GRIK2: variants seen among roughly 807,000 people sequenced by gnomAD.
GRIK2 encodes glutamate ionotropic receptor kainate type subunit 2, also known as glutamate receptor ionotropic, kainate 2.
GRIK2 carries 32 observed loss-of-function variants against 100.3 expected under a neutral mutation model. The observed-to-expected ratio is 0.32, with a 90% CI of 0.24 to 0.43. The LOEUF (loss-of-function observed/expected upper bound fraction) is 0.43. GRIK2 is among the 20% of genes least tolerant of loss of function. The pLI, the probability that GRIK2 is intolerant of heterozygous loss-of-function variation, is 1.00. For synonymous variants in GRIK2, 417 were observed against 389.4 expected, an observed-to-expected ratio of 1.07 and a Z score of -0.83; for missense variants, 843 against 1,114.9, an observed-to-expected ratio of 0.76 and a Z score of 3.47.
At chr6:101,571,458 T>G (rs1286994572) in intron 2 of GRIK2, among the ~76,000 whole-genome samples, 1 of 152,164 alleles carries the variant, frequency 6.6e-6, no homozygotes, top group African/African-American at 2.4e-5. Context: ...AATTTTGCCA[T>G]GTGTTTTTAA....
intron 2 of GRIK2, among the ~76,000 whole-genome samples, chr6:101,449,914 A>G (rs1770580573): frequency 6.6e-6 from 1 of 151,734 alleles, no homozygotes; most frequent in African/African-American, 2.4e-5. Context: ...AAGCATTGGG[A>G]AAAAGCTGGA....
intron 10 of GRIK2, among the ~76,000 whole-genome samples, chr6:101,853,285 A>G (rs1169816139): frequency 6.6e-6 from 1 of 152,190 alleles, no homozygotes; most frequent in African/African-American, 2.4e-5. Context: ...GAAAATTTAA[A>G]TGTCAAATGA....
chr6:101,618,700 G>A (rs1780009868), intron 2 of GRIK2, among the ~76,000 whole-genome samples: 1 of 151,582 alleles, frequency 6.6e-6, no homozygotes, highest in Non-Finnish European at 1.5e-5. Flanking sequence ...ATTTGTTTTA[G>A]TGGAGGCTTG....
rs529145518 is a variant in GRIK2 at position 101,727,371 on chromosome 6, G to A, written c.951+41018G>A. Among the ~76,000 whole-genome samples the A allele has an allele frequency of 5.3e-5, 8 of 152,072 alleles. No individual in the cohort carries two copies. In the East Asian group the frequency reaches 7.8e-4, roughly 15 times the overall value. ...GTAATACAGAGCTAGTGAAAATAGCGCAGGATGCTTGATACTGGAGTGTAC... is the reference window on the plus strand; with the variant it reads ...GTAATACAGAGCTAGTGAAAATAGCACAGGATGCTTGATACTGGAGTGTAC... On this transcript the variant is annotated intron_variant, in intron 7 of 16. Coordinates refer to ENST00000369134, the MANE Select transcript of GRIK2 (RefSeq NM_021956.5).
intron 2 of GRIK2, among the ~76,000 whole-genome samples, chr6:101,583,578 C>T (rs1423721951): frequency 1.3e-5 from 2 of 152,040 alleles, no homozygotes; most frequent in African/African-American, 4.8e-5. Context: ...AGATAGTGGA[C>T]TTGCTACATG....
intron 10 of GRIK2, among the ~76,000 whole-genome samples, chr6:101,819,829 A>T (rs936055725): frequency 9.2e-5 from 14 of 152,160 alleles, no homozygotes; most frequent in African/African-American, 3.1e-4. Flanking sequence ...TTCCAGGCAA[A>T]TGGTGACTGC....
intron 2 of GRIK2, among the ~76,000 whole-genome samples, chr6:101,510,566 G>A (rs1774255101): frequency 7.5e-6 from 1 of 133,800 alleles, no homozygotes; most frequent in Non-Finnish European, 1.5e-5. Flanking sequence ...ACTGTAGGCT[G>A]GGCTGGAGTG....
At chr6:101,935,639 A>T (rs1790569062) in intron 14 of GRIK2, among the ~76,000 whole-genome samples, 1 of 151,902 alleles carries the variant, frequency 6.6e-6, no homozygotes, top group East Asian at 1.9e-4. Flanking sequence ...ATTTATATTG[A>T]ATTGGGTTCT....
chr6:101,545,230 G>T (rs1776176819), intron 2 of GRIK2, among the ~76,000 whole-genome samples: 1 of 152,096 alleles, frequency 6.6e-6, no homozygotes, highest in Non-Finnish European at 1.5e-5. Flanking sequence ...TTTTCTGACT[G>T]CTTAAGTAGA....
At chr6:101,986,385 A>G (rs1487866004) in intron 14 of GRIK2, among the ~76,000 whole-genome samples, 1 of 151,876 alleles carries the variant, frequency 6.6e-6, no homozygotes, top group Admixed American at 6.6e-5. Flanking sequence ...TATAGCTACT[A>G]GTTAATGTGG....
intron 12 of GRIK2, among the ~76,000 whole-genome samples, chr6:101,923,064 C>T (rs1207349694): frequency 6.6e-6 from 1 of 152,074 alleles, no homozygotes; most frequent in Non-Finnish European, 1.5e-5. Flanking sequence ...CCAAACAAAA[C>T]ACTTTTTTGT....
chr6:101,568,506 C>CT (rs1244286957), intron 2 of GRIK2, among the ~76,000 whole-genome samples: 1 of 152,040 alleles, frequency 6.6e-6, no homozygotes, highest in African/African-American at 2.4e-5. Flanking sequence ...TGTTTATCTA[C>CT]TTTACTAAAC....
At chr6:102,046,157 G>A (rs1245900617) in intron 15 of GRIK2, among the ~76,000 whole-genome samples, 1 of 152,038 alleles carries the variant, frequency 6.6e-6, no homozygotes, top group African/African-American at 2.4e-5. Flanking sequence ...AAATATATAT[G>A]CACCAAATAT....
At chr6:101,695,131 A>G (rs1772388091) in intron 7 of GRIK2, among the ~76,000 whole-genome samples, 1 of 152,104 alleles carries the variant, frequency 6.6e-6, no homozygotes, top group Non-Finnish European at 1.5e-5. Context: ...ACAGAAATTT[A>G]TCTCACAATT....
intron 12 of GRIK2, among the ~76,000 whole-genome samples, chr6:101,893,197 C>T (rs1450502246): frequency 1.3e-5 from 2 of 151,106 alleles, no homozygotes; most frequent in African/African-American, 4.8e-5. Flanking sequence ...CTGATATACT[C>T]ATTGACATAA....
At chr6:101,583,015 CA>C (rs1778175957) in intron 2 of GRIK2, among the ~76,000 whole-genome samples, 1 of 151,954 alleles carries the variant, frequency 6.6e-6, no homozygotes, top group Non-Finnish European at 1.5e-5. Flanking sequence ...GAAAATTGAA[CA>C]ATGAAATAAG....
intron 2 of GRIK2, among the ~76,000 whole-genome samples, chr6:101,467,278 C>T (rs1771697185): frequency 6.6e-6 from 1 of 152,058 alleles, no homozygotes. Context: ...AATTCATTTG[C>T]ATTTTTGAAT....
chr6:101,597,880 G>T (rs192914711), intron 2 of GRIK2, among the ~76,000 whole-genome samples: 3 of 151,798 alleles, frequency 2.0e-5, no homozygotes, highest in East Asian at 3.9e-4. Flanking sequence ...TCCTGCGGTG[G>T]CGCTGGTATT....
rs116686762 is a variant in GRIK2 at position 101,968,529 on chromosome 6, G to A, written c.2085+39897G>A. ...ATCATTATGGAATCAGACAATCCCC[G>A]GAGAGTATGCAGGTAATATCCAGCA... On this transcript the variant is annotated intron_variant, in intron 14 of 16. Coordinates refer to ENST00000369134, the MANE Select transcript of GRIK2 (RefSeq NM_021956.5). Among the ~76,000 whole-genome samples the A allele has an allele frequency of 1.7e-3, 265 of 151,994 alleles. 1 individual carries two copies. Among genetic ancestry groups the A allele is most frequent in the African/African-American group, 6.0e-3 (250 of 41,502 alleles).
Sources: gnomAD v4.1 joint callset for allele counts (sites outside exome capture counted in the v4.1 genomes callset) on GRCh38, gnomAD v4.1.1 for gene constraint, MANE v1.5 for transcripts, NCBI Gene and HGNC (gene_info 2026-07-23, HGNC 2026-07-21) for gene names.